The following CFAP20DC variants were observed in gnomAD, a reference collection of about 807,000 sequenced individuals.
CFAP20DC encodes CFAP20 domain containing, also known as protein CFAP20DC.
Under a neutral mutation model 101.7 loss-of-function variants are expected in CFAP20DC, and 84 were observed. The ratio of observed to expected loss-of-function variants is 0.83; its 90% confidence interval spans 0.69 to 0.99. The LOEUF is 0.99. Among genes scored for constraint, CFAP20DC ranks in the 50% least tolerant of loss-of-function variants. The pLI is 0.00. For missense variants in CFAP20DC, 1,007 were observed against 970.3 expected (o/e 1.04, Z -0.50); for synonymous variants, 359 against 351.2 (o/e 1.02, Z -0.25).
intron 4 of CFAP20DC, among the ~76,000 whole-genome samples, chr3:58,988,957 T>C (rs1379483239): frequency 7.2e-5 from 11 of 152,102 alleles, no homozygotes; most frequent in Admixed American, 7.2e-4. Flanking sequence ...AATATTTACA[T>C]TCTGTGTTTT....
intron 15 of CFAP20DC, among the ~76,000 whole-genome samples, chr3:58,796,676 G>A (rs944536341): frequency 6.6e-6 from 1 of 152,050 alleles, no homozygotes. Context: ...ACACACACAG[G>A]CATGCCTTGT....
At chr3:58,810,170 A>G (rs1387604469) in intron 14 of CFAP20DC, among the ~76,000 whole-genome samples, 1 of 152,162 alleles carries the variant, frequency 6.6e-6, no homozygotes, top group African/African-American at 2.4e-5. Flanking sequence ...TCCAATCAAT[A>G]GAAAAAGAGG....
chr3:58,894,597 G>A lies in CFAP20DC; in HGVS notation c.551-9888C>T, dbSNP rs1488742459. Among the ~76,000 whole-genome samples the A allele has an allele frequency of 6.6e-6, 1 of 152,162 alleles. No homozygotes were observed. The highest frequency in any genetic ancestry group is 1.5e-5 in the Non-Finnish European group (1 of 68,022). ...AGTCCCCATCTTAGATGCTTTCATG[G>A]GCTGGCACTGTCTGTGGGTTTTCCA... On this transcript the variant is annotated intron_variant, in intron 6 of 16. Coordinates refer to ENST00000482387, the MANE Select transcript of CFAP20DC (RefSeq NM_001394063.1). This position sits in a 1 kb window ranked among gnomAD's most constrained non-coding sequence, Gnocchi z 4.1.
chr3:58,720,732 T>A (rs904163050), intron 3 of CFAP20DC, among the ~76,000 whole-genome samples: 2 of 152,192 alleles, frequency 1.3e-5, no homozygotes, highest in African/African-American at 4.8e-5. Context: ...GGTTATTAAG[T>A]TTAACAGTGT....
At chr3:58,910,944 C>T (rs1393637214) in intron 6 of CFAP20DC, among the ~76,000 whole-genome samples, 3 of 151,846 alleles carry the variant, frequency 2.0e-5, no homozygotes, top group African/African-American at 7.3e-5. Flanking sequence ...TAGAACTAGG[C>T]CTACATATAG....
chr3:58,853,123 T>C (rs1429073716), intron 12 of CFAP20DC, among the ~76,000 whole-genome samples: 1 of 152,022 alleles, frequency 6.6e-6, no homozygotes, highest in South Asian at 2.1e-4. Context: ...AAGAATCAAA[T>C]AGACACAATA....
At chr3:58,803,077 T>C (rs756755602) in intron 15 of CFAP20DC, among the ~76,000 whole-genome samples, 9 of 152,208 alleles carry the variant, frequency 5.9e-5, no homozygotes, top group South Asian at 2.1e-4. Flanking sequence ...CATGTATACA[T>C]GTGGGCACTA....
chr3:58,809,432 C>A (rs1165675675), intron 14 of CFAP20DC, among the ~76,000 whole-genome samples: 1 of 152,128 alleles, frequency 6.6e-6, no homozygotes, highest in Non-Finnish European at 1.5e-5. Context: ...GGAAACTGAA[C>A]AACCTGCTCC....
chr3:58,733,172 A>G (rs2067678718), intron 3 of CFAP20DC, among the ~76,000 whole-genome samples: 2 of 152,176 alleles, frequency 1.3e-5, no homozygotes, highest in Non-Finnish European at 2.9e-5. Flanking sequence ...TGTCAACTAA[A>G]AATACAAAAA....
At position 58,799,850 on chromosome 3, in the gene CFAP20DC, G is replaced by C. The variant is rs183765006; in HGVS notation, c.2237+6545C>G. Among the ~76,000 whole-genome samples, 2 of 152,056 alleles carry C rather than the reference G, an allele frequency of 1.3e-5. No individual in the cohort carries two copies. The highest frequency in any genetic ancestry group is 2.4e-5 in the African/African-American group (1 of 41,400). On this transcript the variant is annotated intron_variant, in intron 15 of 16. Transcript: ENST00000482387. The surrounding 1 kb of genome is among the most constrained non-coding windows in gnomAD (Gnocchi z 4.9). ...AAGATAATGTGCTAAAGGTGACTGA[G>C]GGCTATTTTAGGGTGGACACTAAGA...
At chr3:58,768,699 C>T (rs935589228) in intron 15 of CFAP20DC, among the ~76,000 whole-genome samples, 5 of 152,186 alleles carry the variant, frequency 3.3e-5, no homozygotes, top group Middle Eastern at 3.2e-3. Flanking sequence ...CTTGACTAGC[C>T]TGGTTCTATT....
intron 13 of CFAP20DC, among the ~76,000 whole-genome samples, chr3:58,839,176 A>C (rs1030213402): frequency 3.3e-5 from 5 of 152,242 alleles, no homozygotes; most frequent in African/African-American, 1.2e-4. Context: ...AATACGTTAA[A>C]GCATAAAGTG....
rs1553645550 is a variant in CFAP20DC, at chr3:58,751,867, A to ACACACACACACACACACACACAC, written c.2332+1901_2332+1902insGTGTGTGTGTGTGTGTGTGTGTG. 1.6e-3 allele frequency among the ~76,000 whole-genome samples: 212 copies of ACACACACACACACACACACACAC among 136,222 alleles called. 2 individuals carry two copies. The highest frequency in any genetic ancestry group is 4.9e-3 in the African/African-American group (190 of 38,396). 89.4% of individuals were successfully genotyped at this position (136,222 alleles called of 152,430 possible). Reference sequence around the variant, plus strand: ...CACACACACACACACACACACACACAAAATTTCCTCCTGGTGGTGGTGTGA... The same window carrying ACACACACACACACACACACACAC: ...CACACACACACACACACACACACACACACACACACACACACACACACACAAATTTCCTCCTGGTGGTGGTGTGA... On this transcript the variant is annotated intron_variant, in intron 16 of 16. Coordinates refer to ENST00000482387, the MANE Select transcript of CFAP20DC (RefSeq NM_001394063.1).
chr3:58,981,280 C>T (rs556664843), intron 4 of CFAP20DC, among the ~76,000 whole-genome samples: 49 of 152,176 alleles, frequency 3.2e-4, no homozygotes, highest in African/African-American at 1.2e-3. Context: ...GGCCATACTG[C>T]CCAAGGTAAT....
At chr3:58,797,887 A>G (rs1423323463) in intron 15 of CFAP20DC, among the ~76,000 whole-genome samples, 1 of 152,162 alleles carries the variant, frequency 6.6e-6, no homozygotes, top group East Asian at 1.9e-4. Flanking sequence ...AAAAGGACCA[A>G]CAAAGCCTGG....
At chr3:58,747,325 C>G (rs765779758) in intron 16 of CFAP20DC, among the ~76,000 whole-genome samples, 1 of 152,186 alleles carries the variant, frequency 6.6e-6, no homozygotes, top group Non-Finnish European at 1.5e-5. Context: ...GGCTGCCCTT[C>G]TCTGGGTAGA....
chr3:58,904,543 G>A (rs973664255), intron 6 of CFAP20DC, among the ~76,000 whole-genome samples: 2 of 152,120 alleles, frequency 1.3e-5, no homozygotes, highest in Non-Finnish European at 2.9e-5. Context: ...TGGGTATGAT[G>A]TGCATTCACC....
At chr3:58,982,425 G>A (rs147284323) in intron 4 of CFAP20DC, among the ~76,000 whole-genome samples, 135 of 152,056 alleles carry the variant, frequency 8.9e-4, no homozygotes, top group Admixed American at 2.0e-4. Flanking sequence ...TGTTTATTGC[G>A]GCACTATTCA....
chr3:58,911,064 A>T (rs1239245660), intron 6 of CFAP20DC, among the ~76,000 whole-genome samples: 2 of 152,188 alleles, frequency 1.3e-5, no homozygotes, highest in Non-Finnish European at 2.9e-5. Flanking sequence ...GAAACTATAA[A>T]AAAGAACCAA....
Sources: gnomAD v4.1 joint callset for allele counts (sites outside exome capture counted in the v4.1 genomes callset) on GRCh38, gnomAD v4.1.1 for gene constraint, Gnocchi (gnomAD v3.1) non-coding constraint, MANE v1.5 for transcripts, NCBI Gene and HGNC (gene_info 2026-07-23, HGNC 2026-07-21) for gene names.